Variants in ACACA observed in about 807,000 individuals in gnomAD.
The protein encoded by ACACA is acetyl-CoA carboxylase alpha.
A neutral mutation model predicts 296.1 loss-of-function variants in ACACA; 103 were observed. The observed-to-expected ratio is 0.35, with a 90% CI of 0.30 to 0.41. ACACA has a LOEUF of 0.41. ACACA is among the 10% of genes least tolerant of loss of function. The pLI is 1.00. For synonymous variants in ACACA, 953 were observed against 1,038.6 expected (o/e 0.92, Z 1.58); for missense variants, 1,554 against 2,989.7 (o/e 0.52, Z 11.20).
At chr17:37,124,477 A>T (rs1323960319) in intron 48 of ACACA, among the ~76,000 whole-genome samples, 2 of 152,240 alleles carry the variant, frequency 1.3e-5, no homozygotes, top group Admixed American at 6.5e-5. Context: ...GGAAAATTGA[A>T]GCAGAATAGA....
intron 3 of ACACA, among the ~76,000 whole-genome samples, chr17:37,323,904 T>C (rs1204752962): frequency 1.3e-5 from 2 of 152,212 alleles, no homozygotes; most frequent in South Asian, 2.1e-4. Context: ...TACAACTAGA[T>C]GGCTCTGTTA....
intron 52 of ACACA, among the ~76,000 whole-genome samples, chr17:37,109,707 G>A (rs1389102009): frequency 6.6e-6 from 1 of 152,226 alleles, no homozygotes; most frequent in Non-Finnish European, 1.5e-5. Context: ...GTTAAAAGGT[G>A]CTGGTTGAAG....
At position 37,217,183 on chromosome 17, in the gene ACACA, C is replaced by T. The variant is rs538853035; in HGVS notation, c.3683+4541G>A. On this transcript the variant is annotated intron_variant, in intron 29 of 55. Transcript: ENST00000616317. ...GGCTGAGGCAGGAGAATCGCTTGAA[C>T]CTGGAAGGCAGAGGTTGTGTTGAGC... Among the ~76,000 whole-genome samples, 3 of 146,714 alleles carry T rather than the reference C, an allele frequency of 2.0e-5. No individual in the cohort carries two copies. In the South Asian group the frequency reaches 6.5e-4, roughly 32 times the overall value.
intron 52 of ACACA, among the ~76,000 whole-genome samples, chr17:37,104,426 A>G (rs1247399802): frequency 6.6e-6 from 1 of 152,196 alleles, no homozygotes; most frequent in Non-Finnish European, 1.5e-5. Flanking sequence ...AACAATCCTA[A>G]AAGATGAGGA....
intron 3 of ACACA, among the ~76,000 whole-genome samples, chr17:37,317,895 G>C (rs528076783): frequency 2.5e-4 from 38 of 152,236 alleles, no homozygotes; most frequent in African/African-American, 9.1e-4. Flanking sequence ...GATGGAAAGA[G>C]GAAACTAGTT....
chr17:37,362,478 C>T (rs1237420232), intron 1 of ACACA, among the ~76,000 whole-genome samples: 1 of 152,136 alleles, frequency 6.6e-6, no homozygotes, highest in East Asian at 1.9e-4. Context: ...GTCTGTGTCA[C>T]ACTCTTTAGA....
chr17:37,142,168 C>T (rs1028607414), intron 45 of ACACA, among the ~76,000 whole-genome samples: 1 of 152,082 alleles, frequency 6.6e-6, no homozygotes, highest in Non-Finnish European at 1.5e-5. Flanking sequence ...CTGGTACTTG[C>T]TGTAGGGTCT....
chr17:37,149,373 T>C (rs1469928868), intron 45 of ACACA, among the ~76,000 whole-genome samples: 2 of 152,142 alleles, frequency 1.3e-5, no homozygotes, highest in Non-Finnish European at 2.9e-5. Context: ...AACTTGATAG[T>C]CTCAACACCT....
intron 45 of ACACA, among the ~76,000 whole-genome samples, chr17:37,130,526 C>T (rs1199323710): frequency 6.6e-6 from 1 of 151,982 alleles, no homozygotes. Flanking sequence ...ACATATGTAA[C>T]AAACCTGCAC....
At chr17:37,117,392 T>C (rs2074309070) in intron 50 of ACACA, among the ~76,000 whole-genome samples, 1 of 152,218 alleles carries the variant, frequency 6.6e-6, no homozygotes, top group Admixed American at 6.5e-5. Flanking sequence ...TTGTTATTTA[T>C]AACCTGTCCC....
intron 19 of ACACA, 142 bp from the exon 20 acceptor site, chr17:37,245,356 C>T (rs1206675507): frequency 2.6e-6 from 2 of 766,468 alleles, no homozygotes; most frequent in African/African-American, 3.5e-5. Flanking sequence ...CCATCATCTC[C>T]TAGGGACTAT....
Position 37,240,499 on chromosome 17 carries a change from C to A in ACACA, c.3098G>T (p.Arg1033Leu). 5 of 1,613,798 alleles carry A rather than the reference C, an allele frequency of 3.1e-6. No homozygotes were observed. The highest frequency in any genetic ancestry group is 4.2e-6 in the Non-Finnish European group (5 of 1,179,992). ...ACCATTCTGGAATTGTGTCTCTACT[C>A]GCAGGTACTGCCGGAGCAGATCCAT... ...VVMDLLRQYL[R>L]VETQFQNGHY... Residue 1033 changes from arginine to leucine, a missense_variant, in exon 24 of 56, where the codon CGA becomes CTA. Physicochemically the swap from Arg to Leu is moderately radical, Grantham distance 102 (BLOSUM62 -2). Around this residue, in one of 16 missense-constraint regions of ACACA, gnomAD observed 316 missense variants for 540.9 expected, o/e 0.58. Coordinates refer to ENST00000616317, the MANE Select transcript of ACACA (RefSeq NM_198834.3).
At position 37,168,735 on chromosome 17, in the gene ACACA, A is replaced by G. The variant is rs368259660; in HGVS notation, c.5080-6685T>C. Among the ~76,000 whole-genome samples the G allele has an allele frequency of 1.9e-4, 29 of 152,302 alleles. No homozygotes were observed. In the East Asian group the frequency reaches 3.9e-3, roughly 20 times the overall value. On this transcript the variant is annotated intron_variant, in intron 41 of 55. Transcript: ENST00000616317. ...CGTTAGTTTGTTGGGTTATCATTTCATTTTCTAAAAAGAAATGCTCTGCAA... is the reference window on the plus strand; with the variant it reads ...CGTTAGTTTGTTGGGTTATCATTTCGTTTTCTAAAAAGAAATGCTCTGCAA...
At chr17:37,363,736 A>G (rs917324391) in intron 1 of ACACA, among the ~76,000 whole-genome samples, 21 of 152,026 alleles carry the variant, frequency 1.4e-4, no homozygotes, top group African/African-American at 4.6e-4. Context: ...CTGTAATCCC[A>G]GCACTTTGGG....
intron 39 of ACACA, among the ~76,000 whole-genome samples, chr17:37,187,671 C>T (rs2077589013): frequency 6.6e-6 from 1 of 152,142 alleles, no homozygotes; most frequent in Admixed American, 6.5e-5. Context: ...TTTAAATTTG[C>T]CACTTTGCTC....
chr17:37,166,278 A>G (rs7225778), intron 41 of ACACA, among the ~76,000 whole-genome samples: 74,642 of 151,818 alleles, frequency 0.49, 20,777 homozygotes, highest in East Asian at 0.75. Context: ...GACCACAGGC[A>G]TGTGTGTTAC....
intron 4 of ACACA, among the ~76,000 whole-genome samples, chr17:37,283,967 C>T (rs764258725): frequency 1.3e-5 from 2 of 152,204 alleles, no homozygotes; most frequent in East Asian, 1.9e-4. Context: ...ACAAACCTTT[C>T]GTCTCCTTAC....
At chr17:37,245,316 C>T (rs998610855) in intron 19 of ACACA, 102 bp from the exon 20 acceptor site, 12 of 1,177,534 alleles carry the variant, frequency 1.0e-5, no homozygotes, top group African/African-American at 4.6e-5. Flanking sequence ...TGGACCACAC[C>T]TAATTTGACC....
At position 37,374,583 on chromosome 17, in the gene ACACA, G is replaced by A. The variant is rs898404547; in HGVS notation, c.38+31679C>T. Among the ~76,000 whole-genome samples the A allele has an allele frequency of 4.6e-5, 7 of 152,020 alleles. No homozygotes were observed. The East Asian group carries it at 5.8e-4, about 13-fold the overall frequency. On this transcript the variant is annotated intron_variant, in intron 1 of 55. Transcript: ENST00000616317. ...ATTACAGGCGTGAGCCACCGCGCCCGGCCCTTCATTCTCTTTTATGCTCCA... is the reference window on the plus strand; with the variant it reads ...ATTACAGGCGTGAGCCACCGCGCCCAGCCCTTCATTCTCTTTTATGCTCCA...
Sources: gnomAD v4.1 joint callset for allele counts (sites outside exome capture counted in the v4.1 genomes callset) on GRCh38, gnomAD v4.1.1 for gene constraint, gnomAD v4.1.1 regional missense constraint, MANE v1.5 for transcripts, NCBI Gene and HGNC (gene_info 2026-07-23, HGNC 2026-07-21) for gene names.